SDK1: variants seen among roughly 807,000 people sequenced by gnomAD.
SDK1 encodes protein sidekick-1.
A neutral mutation model predicts 245.5 loss-of-function variants in SDK1; 157 were observed. That is an observed-to-expected ratio of 0.64 (90% confidence interval 0.56 to 0.73). The LOEUF (loss-of-function observed/expected upper bound fraction) is 0.73, where lower values mean the gene tolerates loss of function less well. Ranked by LOEUF, SDK1 falls within the 30% of genes least tolerant of loss-of-function variation. The pLI is 0.00. For missense variants in SDK1, 3,583 were observed against 3,002.3 expected (o/e 1.19, Z -4.52); for synonymous variants, 1,647 against 1,278.5 (o/e 1.29, Z -6.15).
chr7:4,059,065 T>A (rs1469740872), intron 19 of SDK1, among the ~76,000 whole-genome samples: 1 of 152,170 alleles, frequency 6.6e-6, no homozygotes, highest in Non-Finnish European at 1.5e-5. Flanking sequence ...TAATAATTAC[T>A]AGAATAAGCC....
chr7:3,649,425 C>G (rs1286056259), intron 4 of SDK1, among the ~76,000 whole-genome samples: 1 of 151,970 alleles, frequency 6.6e-6, no homozygotes, highest in Non-Finnish European at 1.5e-5. Flanking sequence ...GGTATGCATT[C>G]CTGCAGCTCT....
intron 1 of SDK1, among the ~76,000 whole-genome samples, chr7:3,574,998 A>G (rs1287499743): frequency 1.3e-5 from 2 of 152,052 alleles, no homozygotes; most frequent in Non-Finnish European, 2.9e-5. Context: ...CCCCACTTCC[A>G]GTTGCTGGAA....
At chr7:3,728,366 A>G (rs1779077064) in intron 4 of SDK1, among the ~76,000 whole-genome samples, 1 of 152,242 alleles carries the variant, frequency 6.6e-6, no homozygotes, top group Non-Finnish European at 1.5e-5. Context: ...TTCACCACAG[A>G]CATAATTTCA....
At chr7:3,758,567 G>T (rs951550487) in intron 4 of SDK1, among the ~76,000 whole-genome samples, 1 of 152,164 alleles carries the variant, frequency 6.6e-6, no homozygotes, top group Non-Finnish European at 1.5e-5. Flanking sequence ...TCCTACTGTG[G>T]CCTTGAGAGC....
chr7:3,998,395 C>G (rs936170995), intron 14 of SDK1, among the ~76,000 whole-genome samples: 4 of 152,268 alleles, frequency 2.6e-5, no homozygotes, highest in Non-Finnish European at 5.9e-5. Context: ...TCATGTAATA[C>G]ATTCCTTCCA....
At chr7:3,334,282 A>G (rs1780143429) in intron 1 of SDK1, among the ~76,000 whole-genome samples, 1 of 152,048 alleles carries the variant, frequency 6.6e-6, no homozygotes, top group Non-Finnish European at 1.5e-5. Context: ...CCTTTCCTTG[A>G]TAGGTTGACT....
intron 1 of SDK1, among the ~76,000 whole-genome samples, chr7:3,361,553 T>G (rs921164420): frequency 6.6e-6 from 1 of 152,228 alleles, no homozygotes; most frequent in Non-Finnish European, 1.5e-5. Flanking sequence ...TCACTCTATA[T>G]TTAAATCTAC....
intron 17 of SDK1, among the ~76,000 whole-genome samples, chr7:4,028,713 C>G (rs138912627): frequency 1.9e-4 from 29 of 152,368 alleles, no homozygotes; most frequent in African/African-American, 6.3e-4. Context: ...CACTGACTTC[C>G]AGTCAAGTAT....
At chr7:3,477,298 C>A (rs985196250) in intron 1 of SDK1, among the ~76,000 whole-genome samples, 4 of 141,384 alleles carry the variant, frequency 2.8e-5, no homozygotes, top group African/African-American at 8.0e-5. Context: ...TGGCTTCAAG[C>A]CATTCTCCTG....
chr7:3,811,843 G>A (rs1779392582), intron 4 of SDK1, among the ~76,000 whole-genome samples: 1 of 152,214 alleles, frequency 6.6e-6, no homozygotes, highest in African/African-American at 2.4e-5. Context: ...GTAGGCTAGA[G>A]AACTGGGTCT....
chr7:3,900,568 G>T (rs1489546608), intron 5 of SDK1, among the ~76,000 whole-genome samples: 1 of 152,122 alleles, frequency 6.6e-6, no homozygotes, highest in Non-Finnish European at 1.5e-5. Context: ...CCACTGGAAG[G>T]CTGGAAATAG....
rs117256479 is a variant in SDK1, at chr7:3,401,298, G to A, written c.298+99414G>A. Among the ~76,000 whole-genome samples the A allele has an allele frequency of 5.6e-3, 858 of 152,266 alleles. 5 individuals carry two copies. Among genetic ancestry groups the A allele is most frequent in the South Asian group, 0.022 (106 of 4,820 alleles). ...AGTTGAGCATAATATCATGGAGGCA[G>A]GATCAGAATGGAAAGGTAACTGATA... On this transcript the variant is annotated intron_variant, in intron 1 of 44. Transcript: ENST00000404826.
intron 38 of SDK1, among the ~76,000 whole-genome samples, chr7:4,211,856 G>C (rs1172058779): frequency 6.6e-6 from 1 of 152,130 alleles, no homozygotes; most frequent in Non-Finnish European, 1.5e-5. Flanking sequence ...TGATCCACCT[G>C]CCTCGGCCTC....
intron 39 of SDK1, among the ~76,000 whole-genome samples, chr7:4,220,984 A>C (rs982336544): frequency 2.7e-5 from 4 of 149,022 alleles, no homozygotes; most frequent in African/African-American, 9.9e-5. Flanking sequence ...AAGTTTTTGC[A>C]ATGTTGCCCA....
intron 32 of SDK1, among the ~76,000 whole-genome samples, chr7:4,171,371 C>A (rs986158324): frequency 1.3e-5 from 2 of 152,268 alleles, no homozygotes; most frequent in African/African-American, 4.8e-5. Context: ...CAAGCAGCGC[C>A]GGGGAGGGAG....
chr7:3,916,023 A>T (rs1197970799), intron 5 of SDK1, among the ~76,000 whole-genome samples: 2 of 152,208 alleles, frequency 1.3e-5, no homozygotes, highest in Non-Finnish European at 2.9e-5. Flanking sequence ...TTATTTTGTC[A>T]AGGTTGAGGG....
At chr7:3,794,239 A>G (rs1039448618) in intron 4 of SDK1, among the ~76,000 whole-genome samples, 1 of 152,150 alleles carries the variant, frequency 6.6e-6, no homozygotes, top group Non-Finnish European at 1.5e-5. Context: ...AGCATGGCCG[A>G]ATGTCCCTTC....
At chr7:3,603,929 A>G (rs1000613937) in intron 1 of SDK1, among the ~76,000 whole-genome samples, 6 of 152,146 alleles carry the variant, frequency 3.9e-5, no homozygotes, top group Admixed American at 6.5e-5. Flanking sequence ...TTCTGCATCT[A>G]TTGAGATAAT....
chr7:3,567,903 G>T lies in SDK1; in HGVS notation c.299-51177G>T, dbSNP rs555857309. Among the ~76,000 whole-genome samples, 7 of 152,116 alleles carry T rather than the reference G, an allele frequency of 4.6e-5. No individual in the cohort carries two copies. In the East Asian group the frequency reaches 5.8e-4, roughly 13 times the overall value. On this transcript the variant is annotated intron_variant, in intron 1 of 44. Transcript: ENST00000404826. The stretch of plus-strand genomic sequence containing the variant: ...CATAGCTCATTGCAGCCTCGAACTC[G>T]TGGGCCCAAGTGGGCTGATCTTCCC...
Sources: allele counts gnomAD v4.1 joint callset (sites outside exome capture counted in the v4.1 genomes callset), GRCh38; gene constraint gnomAD v4.1.1; transcripts MANE v1.5; gene names NCBI Gene and HGNC (gene_info 2026-07-23, HGNC 2026-07-21).